ATP2B1: variants seen among roughly 807,000 people sequenced by gnomAD.
The protein encoded by ATP2B1 is plasma membrane calcium-transporting ATPase 1.
Under a neutral mutation model 124.2 loss-of-function variants are expected in ATP2B1, and 14 were observed. The observed-to-expected ratio is 0.11, with a 90% CI of 0.07 to 0.18. The LOEUF is 0.18. ATP2B1 is among the 10% of genes least tolerant of loss of function. The probability of loss-of-function intolerance (pLI) is 1.00; values close to 1 mark genes in which losing one functional copy is unlikely to be tolerated. For missense variants in ATP2B1, 763 were observed against 1,466.1 expected (o/e 0.52, Z 7.83); for synonymous variants, 449 against 492.4 (o/e 0.91, Z 1.17).
intron 12 of ATP2B1, 32 bp downstream of exon 12, chr12:89,616,770 C>T: frequency 6.3e-7 from 1 of 1,582,470 alleles, no homozygotes; most frequent in Non-Finnish European, 8.7e-7. Context: ...TTATGAGATT[C>T]TGCACATGCA....
At chr12:89,702,929 A>G (rs960778516) in intron 1 of ATP2B1, among the ~76,000 whole-genome samples, 2 of 152,208 alleles carry the variant, frequency 1.3e-5, no homozygotes, top group Non-Finnish European at 2.9e-5. Context: ...TTTTAAAAAT[A>G]TGGCAAAAAA....
chr12:89,703,999 T>C (rs545295090), intron 1 of ATP2B1, among the ~76,000 whole-genome samples: 2 of 152,328 alleles, frequency 1.3e-5, no homozygotes, highest in East Asian at 1.9e-4. Flanking sequence ...ACATTAATGC[T>C]GGAGAACCAC....
At chr12:89,661,566 T>C (rs966348156) in intron 1 of ATP2B1, among the ~76,000 whole-genome samples, 1 of 152,062 alleles carries the variant, frequency 6.6e-6, no homozygotes, top group Non-Finnish European at 1.5e-5. Context: ...GGATAAACAA[T>C]ATCCAAGTTT....
intron 2 of ATP2B1, among the ~76,000 whole-genome samples, chr12:89,652,012 C>T (rs1008377181): frequency 6.6e-6 from 1 of 152,176 alleles, no homozygotes; most frequent in Non-Finnish European, 1.5e-5. Context: ...GGTTGCTCCT[C>T]CATACTTGAC....
chr12:89,674,334 G>C (rs1444220856), intron 1 of ATP2B1, among the ~76,000 whole-genome samples: 1 of 149,758 alleles, frequency 6.7e-6, no homozygotes, highest in African/African-American at 2.5e-5. Flanking sequence ...TCAAAGCAGT[G>C]TCTGATTAGA....
intron 1 of ATP2B1, among the ~76,000 whole-genome samples, chr12:89,699,398 G>A (rs1322936080): frequency 6.6e-6 from 1 of 152,082 alleles, no homozygotes. Flanking sequence ...AATCAAACAC[G>A]GTGTATCACA....
chr12:89,650,942 A>G (rs1439931620), intron 2 of ATP2B1, among the ~76,000 whole-genome samples: 1 of 152,260 alleles, frequency 6.6e-6, no homozygotes, highest in Admixed American at 6.5e-5. Flanking sequence ...AATTTTATGC[A>G]GTTAGGATGT....
chr12:89,659,941 C>A (rs867422466), intron 1 of ATP2B1, among the ~76,000 whole-genome samples: 3,517 of 138,306 alleles, frequency 0.025, 108 homozygotes, highest in East Asian at 0.094. Context: ...CAAAAAAAAA[C>A]AAAAAAGAAG....
chr12:89,594,652 GATTATC>G (rs1874232434), intron 20 of ATP2B1: 1 of 147,906 alleles, frequency 6.8e-6, no homozygotes, highest in Non-Finnish European at 1.5e-5. Context: ...AAACTGAAGT[GATTATC>G]ATAATCATGA....
intron 6 of ATP2B1, among the ~76,000 whole-genome samples, chr12:89,628,996 A>C (rs1382726749): frequency 1.3e-5 from 2 of 152,282 alleles, no homozygotes; most frequent in African/African-American, 4.8e-5. Context: ...TTTAAAAAAA[A>C]AACAACAACA....
Position 89,603,196 on chromosome 12 carries a change from T to G in ATP2B1, c.2907A>C (p.Ser969=), listed in dbSNP as rs1015210218. The change falls in exon 18 of 21, where the codon TCA becomes TCC. Residue 969 remains serine (S), a synonymous_variant. Transcript: ENST00000428670. The surrounding 1 kb of genome is among the most constrained non-coding windows in gnomAD (Gnocchi z 4.3). ...GRNAPLHAPP[S]EHYTIVFNTF... The stretch of plus-strand genomic sequence containing the variant: ...TATTAAAAACAATAGTATAATGTTC[T>G]GAAGGAGGAGCATGCAAAGGAGCAT... The G allele has an allele frequency of 5.0e-6, 8 of 1,613,240 alleles. No homozygotes were observed. The highest frequency in any genetic ancestry group is 6.8e-6 in the Non-Finnish European group (8 of 1,179,700).
intron 9 of ATP2B1, among the ~76,000 whole-genome samples, 199 bp from the exon 10 acceptor site, chr12:89,621,990 C>A (rs1390459754): frequency 6.6e-6 from 1 of 151,292 alleles, no homozygotes; most frequent in African/African-American, 2.4e-5. Flanking sequence ...AACACAGTAC[C>A]AGAGCTTTCT....
intron 2 of ATP2B1, among the ~76,000 whole-genome samples, chr12:89,649,467 C>G (rs1884954349): frequency 6.6e-6 from 1 of 152,196 alleles, no homozygotes; most frequent in African/African-American, 2.4e-5. Context: ...TTTCTTTTGG[C>G]TGATTTTTCC....
intron 19 of ATP2B1, among the ~76,000 whole-genome samples, chr12:89,599,946 G>A (rs1391335067): frequency 2.0e-5 from 3 of 152,156 alleles, no homozygotes; most frequent in South Asian, 2.1e-4. Flanking sequence ...GGAGAAACAA[G>A]CATGTAGTCA....
rs779326450 is a variant in ATP2B1 at position 89,611,326 on chromosome 12, C to T, written c.2114G>A (p.Arg705Gln). 11 of 1,581,628 alleles carry T rather than the reference C, an allele frequency of 7.0e-6. No individual in the cohort carries two copies. Among genetic ancestry groups the T allele is most frequent in the Non-Finnish European group, 9.4e-6 (11 of 1,165,760 alleles). Reference sequence around the variant, plus strand: ...ATTAATATTATCACCAGTGACCATCCGCACAGTAATTCCAGCCCTCTGACA... The same window carrying T: ...ATTAATATTATCACCAGTGACCATCTGCACAGTAATTCCAGCCCTCTGACA... ...KKCQRAGITV[R>Q]MVTGDNINTA... Residue 705 changes from arginine (R) to glutamine (Q), a missense_variant, in exon 13 of 21, where the codon CGG becomes CAG. Arg to Gln is a conservative substitution (Grantham distance 43, BLOSUM62 1). Transcript: ENST00000428670.
At chr12:89,634,385 T>G (rs1882362494) in intron 5 of ATP2B1, among the ~76,000 whole-genome samples, 1 of 152,194 alleles carries the variant, frequency 6.6e-6, no homozygotes, top group Admixed American at 6.6e-5. Context: ...TCACAGAGAA[T>G]TCATTAATTT....
At chr12:89,679,374 C>T (rs1391216709) in intron 1 of ATP2B1, among the ~76,000 whole-genome samples, 1 of 152,178 alleles carries the variant, frequency 6.6e-6, no homozygotes, top group Non-Finnish European at 1.5e-5. Flanking sequence ...TCTATATCCA[C>T]ATAATGGAAC....
chr12:89,682,324 C>CT (rs1357466941), intron 1 of ATP2B1, among the ~76,000 whole-genome samples: 2 of 152,092 alleles, frequency 1.3e-5, no homozygotes, highest in African/African-American at 2.4e-5. Context: ...AAACAACAAG[C>CT]TTTTTTCCTG....
intron 11 of ATP2B1, among the ~76,000 whole-genome samples, chr12:89,617,270 A>C (rs1879121493): frequency 6.6e-6 from 1 of 152,164 alleles, no homozygotes; most frequent in Non-Finnish European, 1.5e-5. Context: ...TTACTCTAGA[A>C]CTTCTCTAAA....
Sources: gnomAD v4.1 joint callset for allele counts (sites outside exome capture counted in the v4.1 genomes callset) on GRCh38, gnomAD v4.1.1 for gene constraint, Gnocchi (gnomAD v3.1) non-coding constraint, MANE v1.5 for transcripts, NCBI Gene and HGNC (gene_info 2026-07-23, HGNC 2026-07-21) for gene names.